Variants in OR6N1 observed in about 807,000 individuals in gnomAD.
OR6N1 encodes olfactory receptor 6N1.
For missense variants in OR6N1, 394 were observed against 371.7 expected (o/e 1.06, Z -0.49); for synonymous variants, 170 against 150.7 (o/e 1.13, Z -0.94).
the OR6N1 span, chr1:158,808,352 C>T: frequency 1.3e-5 from 2 of 152,418 alleles, no homozygotes; most frequent in African/African-American, 4.8e-5. Flanking sequence ...TGGTCTCGAT[C>T]TCCTGACCTC....
chr1:158,776,459 T>A (rs918294135), upstream of OR6N1: 9 of 386,228 alleles, frequency 2.3e-5, no homozygotes, highest in African/African-American at 1.7e-4. Context: ...ATGCTTTTTT[T>A]TAAAAAAAGA....
the OR6N1 span, among the ~76,000 whole-genome samples, chr1:158,824,784 A>T: frequency 1.4e-4 from 22 of 152,138 alleles, no homozygotes; most frequent in Non-Finnish European, 2.8e-4. Flanking sequence ...TTGAAACTGG[A>T]CCCCTTCCTT....
chr1:158,831,695 A>C, the OR6N1 span: 1 of 152,204 alleles, frequency 6.6e-6, no homozygotes, highest in Admixed American at 6.5e-5. Flanking sequence ...TGAATGCTTT[A>C]ACTGTCTAGG....
chr1:158,773,772 G>A (rs1214333306), upstream of OR6N1, among the ~76,000 whole-genome samples: 1 of 151,992 alleles, frequency 6.6e-6, no homozygotes, highest in Non-Finnish European at 1.5e-5. Flanking sequence ...TTAAGTGCCT[G>A]CCTGAGAAAA....
At chr1:158,830,140 C>T in the OR6N1 span, among the ~76,000 whole-genome samples, 3 of 152,282 alleles carry the variant, frequency 2.0e-5, no homozygotes, top group East Asian at 5.8e-4. Context: ...CATGGTAACT[C>T]CTGTCGTGAG....
chr1:158,825,502 C>G, the OR6N1 span, among the ~76,000 whole-genome samples: 1 of 150,960 alleles, frequency 6.6e-6, no homozygotes, highest in African/African-American at 2.4e-5. Flanking sequence ...ATACATGGGA[C>G]CAACAAGCAT....
chr1:158,794,946 T>C, the OR6N1 span, among the ~76,000 whole-genome samples: 2 of 152,080 alleles, frequency 1.3e-5, no homozygotes, highest in Non-Finnish European at 2.9e-5. Flanking sequence ...TTGGTGGGTG[T>C]CCCAAAGCTC....
At chr1:158,814,121 C>G in the OR6N1 span, among the ~76,000 whole-genome samples, 1 of 152,174 alleles carries the variant, frequency 6.6e-6, no homozygotes, top group African/African-American at 2.4e-5. Context: ...TAACTACTAA[C>G]AGTGCCCTGT....
the OR6N1 span, among the ~76,000 whole-genome samples, chr1:158,803,161 T>G: frequency 6.6e-6 from 1 of 152,130 alleles, no homozygotes; most frequent in South Asian, 2.1e-4. Flanking sequence ...AAATACTAAG[T>G]GTTCTGAGTT....
chr1:158,828,720 G>T, the OR6N1 span, among the ~76,000 whole-genome samples: 57 of 152,306 alleles, frequency 3.7e-4, no homozygotes, highest in Non-Finnish European at 6.3e-4. Context: ...ATTATGTGGT[G>T]CCCTGGCAGG....
the OR6N1 span, among the ~76,000 whole-genome samples, chr1:158,826,930 C>A: frequency 6.6e-6 from 1 of 152,036 alleles, no homozygotes; most frequent in African/African-American, 2.4e-5. Flanking sequence ...TAAAGATATA[C>A]CAGGTTATGA....
At chr1:158,771,611 C>T (rs888986035) in intron 1 of OR6N1, among the ~76,000 whole-genome samples, 1 of 152,204 alleles carries the variant, frequency 6.6e-6, no homozygotes, top group Non-Finnish European at 1.5e-5. Flanking sequence ...TCTTCAGATA[C>T]CACAGCTGCA....
the OR6N1 span, among the ~76,000 whole-genome samples, chr1:158,800,165 G>A: frequency 9.2e-5 from 14 of 152,112 alleles, no homozygotes; most frequent in South Asian, 2.1e-4. Flanking sequence ...CTTAAGCACC[G>A]TTTAAATCAG....
At chr1:158,786,449 G>A in the OR6N1 span, among the ~76,000 whole-genome samples, 2 of 152,136 alleles carry the variant, frequency 1.3e-5, no homozygotes, top group Non-Finnish European at 1.5e-5. Flanking sequence ...ATTCCTTAAA[G>A]AATTAAAAGT....
At chr1:158,801,380 G>A in the OR6N1 span, among the ~76,000 whole-genome samples, 1 of 152,062 alleles carries the variant, frequency 6.6e-6, no homozygotes, top group Admixed American at 6.6e-5. Flanking sequence ...ATCTGTCAAA[G>A]TCAGAACTGC....
chr1:158,839,375 G>T, the OR6N1 span, among the ~76,000 whole-genome samples: 1 of 152,076 alleles, frequency 6.6e-6, no homozygotes, highest in African/African-American at 2.4e-5. Context: ...AGCCACACCT[G>T]CCTCTTTTCA....
chr1:158,814,842 A>G, the OR6N1 span, among the ~76,000 whole-genome samples: 2 of 152,206 alleles, frequency 1.3e-5, no homozygotes, highest in Non-Finnish European at 2.9e-5. Context: ...TTTTAACATC[A>G]TAGAAAAAAA....
chr1:158,795,322 C>T, the OR6N1 span, among the ~76,000 whole-genome samples: 4 of 152,150 alleles, frequency 2.6e-5, no homozygotes, highest in Admixed American at 2.6e-4. Context: ...ATAAGCCTTC[C>T]CAAGGGAGAC....
chr1:158,796,879 CT>C, the OR6N1 span, among the ~76,000 whole-genome samples: 12,405 of 141,870 alleles, frequency 0.087, 504 homozygotes, highest in Admixed American at 0.16. Context: ...TACAACTTAC[CT>C]TTTTTTTTTT....
Sources: gnomAD v4.1 joint callset for allele counts (sites outside exome capture counted in the v4.1 genomes callset) on GRCh38, gnomAD v4.1.1 for gene constraint, MANE v1.5 for transcripts, NCBI Gene and HGNC (gene_info 2026-07-23, HGNC 2026-07-21) for gene names.